SYN3: variants seen among roughly 807,000 people sequenced by gnomAD.
SYN3 encodes synapsin-3.
SYN3 carries 35 observed loss-of-function variants against 65.8 expected under a neutral mutation model. The ratio of observed to expected loss-of-function variants is 0.53; its 90% CI spans 0.41 to 0.70. The LOEUF (loss-of-function observed/expected upper bound fraction) is 0.70. Among genes scored for constraint, SYN3 ranks in the 30% least tolerant of loss-of-function variants. The pLI, the probability that SYN3 is intolerant of heterozygous loss-of-function variation, is 0.00. For missense variants in SYN3, 680 were observed against 749.0 expected (o/e 0.91, Z 1.08); for synonymous variants, 270 against 292.9 (o/e 0.92, Z 0.80).
At chr22:33,044,846 T>TC (rs200796571) in intron 1 of SYN3, among the ~76,000 whole-genome samples, 11,383 of 146,168 alleles carry the variant, frequency 0.078, 888 homozygotes, top group East Asian at 0.38. Flanking sequence ...TGATTCTTCT[T>TC]TTTTTTTTTT....
At chr22:32,585,039 C>G (rs2059002626) in intron 7 of SYN3, among the ~76,000 whole-genome samples, 1 of 152,216 alleles carries the variant, frequency 6.6e-6, no homozygotes, top group Non-Finnish European at 1.5e-5. Flanking sequence ...AGTCCAAATT[C>G]TGCTTCACCA....
intron 4 of SYN3, among the ~76,000 whole-genome samples, chr22:32,904,882 G>A (rs1281439335): frequency 6.6e-6 from 1 of 152,146 alleles, no homozygotes; most frequent in Non-Finnish European, 1.5e-5. Context: ...GGCATTCTTT[G>A]CATGCAATGA....
Position 32,880,823 on chromosome 22 carries a change from C to T in SYN3, c.462-11698G>A, listed in dbSNP as rs77701678. On this transcript the variant is annotated intron_variant, in intron 4 of 13. Transcript: ENST00000358763. ...AGGTACAAGTTGCGCGTCTCGTAAA[C>T]AGCCCTCGCCACTGAAGGACAGGGC... Among the ~76,000 whole-genome samples the T allele has an allele frequency of 9.2e-3, 1,398 of 152,346 alleles. 19 individuals carry two copies. The highest frequency in any genetic ancestry group is 0.032 in the African/African-American group (1,315 of 41,584).
chr22:32,524,702 G>A (rs74659807), intron 12 of SYN3, among the ~76,000 whole-genome samples: 2,911 of 152,198 alleles, frequency 0.019, 58 homozygotes, highest in East Asian at 0.11. Context: ...TAAAATCTGA[G>A]GTCATATTAT....
intron 8 of SYN3, among the ~76,000 whole-genome samples, chr22:32,539,878 G>A (rs1177871181): frequency 6.6e-6 from 1 of 152,168 alleles, no homozygotes; most frequent in Non-Finnish European, 1.5e-5. Flanking sequence ...CATGGCTGAA[G>A]GCAGGGGCCT....
intron 6 of SYN3, among the ~76,000 whole-genome samples, chr22:32,796,473 C>T (rs2046430971): frequency 6.6e-6 from 1 of 152,144 alleles, no homozygotes; most frequent in Non-Finnish European, 1.5e-5. Flanking sequence ...GGCAATTTTA[C>T]TGCCATGAAA....
intron 6 of SYN3, among the ~76,000 whole-genome samples, chr22:32,838,367 T>C (rs1302140333): frequency 6.6e-6 from 1 of 152,102 alleles, no homozygotes; most frequent in Non-Finnish European, 1.5e-5. Context: ...ATTTCCTGAG[T>C]GCTACCACAA....
At chr22:32,986,223 C>T (rs889524021) in intron 2 of SYN3, among the ~76,000 whole-genome samples, 10 of 152,132 alleles carry the variant, frequency 6.6e-5, no homozygotes, top group African/African-American at 2.4e-4. Context: ...TACTGGCACA[C>T]CATTGTAATA....
intron 7 of SYN3, among the ~76,000 whole-genome samples, chr22:32,547,046 A>T (rs2058346466): frequency 6.6e-6 from 1 of 152,084 alleles, no homozygotes; most frequent in Admixed American, 6.5e-5. Context: ...TGGCACAGTC[A>T]GGGCTCACTG....
chr22:32,980,801 C>A, intron 2 of SYN3, 99 bp from the exon 3 acceptor site: 1 of 941,314 alleles, frequency 1.1e-6, no homozygotes, highest in Non-Finnish European at 1.7e-6. Flanking sequence ...TATTGAGACA[C>A]ATCCTCAGCC....
chr22:32,718,584 T>C (rs1040038219), intron 6 of SYN3, among the ~76,000 whole-genome samples: 1 of 150,206 alleles, frequency 6.7e-6, no homozygotes, highest in Admixed American at 6.6e-5. Context: ...ACTGTAACAA[T>C]TGATTTATAT....
chr22:32,948,176 G>A (rs2051170327), intron 3 of SYN3, among the ~76,000 whole-genome samples: 1 of 152,306 alleles, frequency 6.6e-6, no homozygotes, highest in South Asian at 2.1e-4. Flanking sequence ...AAGGACTTGT[G>A]TGGTTTGATG....
At chr22:33,038,894 G>A (rs768754273) in intron 1 of SYN3, among the ~76,000 whole-genome samples, 6 of 152,156 alleles carry the variant, frequency 3.9e-5, no homozygotes, top group Non-Finnish European at 8.8e-5. Context: ...CGGAAGCCCC[G>A]GGGCTGTTCT....
At chr22:32,762,115 C>T (rs548091501) in intron 6 of SYN3, among the ~76,000 whole-genome samples, 1 of 152,330 alleles carries the variant, frequency 6.6e-6, no homozygotes, top group South Asian at 2.1e-4. Flanking sequence ...ACCCTAAGTG[C>T]AAGAGAAGGG....
In SYN3 at chr22:32,509,118, C is replaced by A. The variant is rs965482570; in HGVS notation, c.*4574G>T. Among the ~76,000 whole-genome samples, 1 of 152,210 alleles carries A rather than the reference C, an allele frequency of 6.6e-6. No individual in the cohort carries two copies. Among genetic ancestry groups the A allele is most frequent in the African/African-American group, 2.4e-5 (1 of 41,452 alleles). On this transcript the variant is annotated 3_prime_UTR_variant, in exon 14 of 14. Coordinates refer to ENST00000358763, the MANE Select transcript of SYN3 (RefSeq NM_003490.4). ...AGGATATGCCACTGTTCCTGGAAAG[C>A]TGATTTTACATTTAACCAAAGTACG...
intron 6 of SYN3, among the ~76,000 whole-genome samples, chr22:32,713,889 C>A (rs2061001853): frequency 6.6e-6 from 1 of 151,190 alleles, no homozygotes; most frequent in Non-Finnish European, 1.5e-5. Flanking sequence ...GCATCAACAC[C>A]AAAGGAAACC....
intron 4 of SYN3, among the ~76,000 whole-genome samples, chr22:32,895,076 G>A (rs983158933): frequency 6.6e-6 from 1 of 152,244 alleles, no homozygotes; most frequent in Non-Finnish European, 1.5e-5. Context: ...GGCAGTTGAA[G>A]TGTCTGATGT....
intron 3 of SYN3, among the ~76,000 whole-genome samples, chr22:32,965,901 A>G (rs1249562912): frequency 6.6e-6 from 1 of 152,130 alleles, no homozygotes; most frequent in Admixed American, 6.5e-5. Flanking sequence ...TCGCTGTGTT[A>G]GCCAAGGTGG....
At chr22:32,607,460 T>TTA (rs1230610505) in intron 6 of SYN3, among the ~76,000 whole-genome samples, 1 of 152,136 alleles carries the variant, frequency 6.6e-6, no homozygotes, top group East Asian at 1.9e-4. Context: ...TTCTTCATCC[T>TTA]TATACCTGTC....
Sources: allele counts gnomAD v4.1 joint callset (sites outside exome capture counted in the v4.1 genomes callset), GRCh38; gene constraint gnomAD v4.1.1; transcripts MANE v1.5; gene names NCBI Gene and HGNC (gene_info 2026-07-23, HGNC 2026-07-21).